Variants in SPOCK3 observed in about 807,000 individuals in gnomAD.
SPOCK3 encodes the protein testican-3.
In SPOCK3, 30 loss-of-function variants were observed where a neutral mutation model predicts 56.6. The ratio of observed to expected loss-of-function variants is 0.53; its 90% CI spans 0.40 to 0.72. The LOEUF is 0.72. Ranked by LOEUF, SPOCK3 falls within the 30% of genes least tolerant of loss-of-function variation. The pLI is 0.00. For missense variants in SPOCK3, 527 were observed against 530.0 expected (o/e 0.99, Z 0.06); for synonymous variants, 196 against 183.3 (o/e 1.07, Z -0.56).
At chr4:166,852,480 G>A (rs554577758) in intron 6 of SPOCK3, among the ~76,000 whole-genome samples, 2 of 151,924 alleles carry the variant, frequency 1.3e-5, no homozygotes, top group African/African-American at 4.8e-5. Context: ...AAACAGAAAC[G>A]AACCCTTTGG....
Position 166,846,660 on chromosome 4 carries a change from T to C in SPOCK3, c.589+42470A>G, listed in dbSNP as rs74539360. 2.6e-5 allele frequency among the ~76,000 whole-genome samples: 4 copies of C among 152,222 alleles called. No individual in the cohort carries two copies. In the Middle Eastern group the frequency reaches 0.014, roughly 518 times the overall value. On this transcript the variant is annotated intron_variant, in intron 6 of 10. Transcript: ENST00000357545. ...CTTTAATTCACATACCTGAAATTGG[T>C]ATACTGTAATACCCTAAGTAAATAA...
intron 2 of SPOCK3, among the ~76,000 whole-genome samples, chr4:167,103,435 C>T (rs1759829253): frequency 6.6e-6 from 1 of 152,116 alleles, no homozygotes; most frequent in Non-Finnish European, 1.5e-5. Flanking sequence ...AGCCTTTTAG[C>T]CTATGGGAGC....
At chr4:167,130,904 A>G (rs1762652098) in intron 2 of SPOCK3, among the ~76,000 whole-genome samples, 2 of 152,138 alleles carry the variant, frequency 1.3e-5, no homozygotes. Context: ...TTAATTCCAG[A>G]GGGAAATATT....
chr4:166,966,403 G>A (rs559959147), intron 4 of SPOCK3, among the ~76,000 whole-genome samples: 1 of 152,086 alleles, frequency 6.6e-6, no homozygotes, highest in South Asian at 2.1e-4. Context: ...GGCCAGTTCT[G>A]TCTTCAGCTC....
intron 2 of SPOCK3, among the ~76,000 whole-genome samples, chr4:167,205,549 TA>T (rs1561322794): frequency 6.0e-4 from 36 of 59,506 alleles, no homozygotes; most frequent in Admixed American, 2.5e-3. Flanking sequence ...ATATATTATA[TA>T]ATATATAATA....
chr4:166,785,647 T>TTTG (rs1560854857), intron 7 of SPOCK3, among the ~76,000 whole-genome samples: 2 of 151,898 alleles, frequency 1.3e-5, no homozygotes. Context: ...AAAATCCCCC[T>TTTG]TTCTTTGTAG....
Position 167,130,674 on chromosome 4 carries a change from A to T in SPOCK3, c.190-68137T>A, listed in dbSNP as rs17521579. 2.0e-3 allele frequency among the ~76,000 whole-genome samples: 306 copies of T among 152,324 alleles called. 2 individuals carry two copies. The highest frequency in any genetic ancestry group is 3.5e-3 in the Non-Finnish European group (237 of 68,012). ...AAAAAATGGCAGTTAAAAAAAACCC[A>T]GTCCAAGTAAGACAGTTAGACATTT... On this transcript the variant is annotated intron_variant, in intron 2 of 10. Transcript: ENST00000357545.
At chr4:166,836,529 C>T (rs1466813891) in intron 6 of SPOCK3, among the ~76,000 whole-genome samples, 1 of 152,070 alleles carries the variant, frequency 6.6e-6, no homozygotes, top group Non-Finnish European at 1.5e-5. Context: ...CATATTTTTT[C>T]TTATGTGACT....
At chr4:167,069,169 A>T (rs1756431287) in intron 2 of SPOCK3, among the ~76,000 whole-genome samples, 1 of 151,878 alleles carries the variant, frequency 6.6e-6, no homozygotes, top group Admixed American at 6.6e-5. Flanking sequence ...TGAATAGCAT[A>T]TGGTTTTATG....
At position 166,860,802 on chromosome 4, in the gene SPOCK3, C is replaced by CATATATATATATATATAT; in HGVS notation, c.589+28327_589+28328insATATATATATATATATAT. Reference sequence around the variant, plus strand: ...ACACGTGTACATGCACACACAAATTCATATATATATATATGTATATATATA... The same window carrying CATATATATATATATATAT: ...ACACGTGTACATGCACACACAAATTCATATATATATATATATATATATATATATATATGTATATATATA... On this transcript the variant is annotated intron_variant, in intron 6 of 10. Coordinates refer to ENST00000357545, the MANE Select transcript of SPOCK3 (RefSeq NM_001040159.2). Among the ~76,000 whole-genome samples the CATATATATATATATATAT allele has an allele frequency of 8.8e-3, 893 of 101,834 alleles. 37 individuals are homozygous for CATATATATATATATATAT. Among genetic ancestry groups the CATATATATATATATATAT allele is most frequent in the Middle Eastern group, 0.023 (5 of 216 alleles). The allele number at this position is 101,834 out of a possible 152,430, so 66.8% of individuals were successfully genotyped here. A position where few individuals can be genotyped will look rare whatever the true frequency, so the allele number is the denominator to read the frequency against.
intron 2 of SPOCK3, among the ~76,000 whole-genome samples, chr4:167,159,112 T>C (rs990347090): frequency 1.3e-5 from 2 of 152,026 alleles, no homozygotes; most frequent in African/African-American, 4.8e-5. Flanking sequence ...GTGTGAATCC[T>C]TTATAATCTG....
chr4:167,095,676 T>A (rs1035856943), intron 2 of SPOCK3, among the ~76,000 whole-genome samples: 1 of 151,920 alleles, frequency 6.6e-6, no homozygotes. Flanking sequence ...TGAAGGACTC[T>A]GTACTCACAA....
intron 3 of SPOCK3, among the ~76,000 whole-genome samples, chr4:167,033,967 A>G (rs956550436): frequency 1.3e-5 from 2 of 152,120 alleles, no homozygotes; most frequent in Non-Finnish European, 2.9e-5. Context: ...AATGTATTAT[A>G]TACTACTGGA....
At chr4:166,948,487 G>T (rs1263508895) in intron 4 of SPOCK3, among the ~76,000 whole-genome samples, 2 of 152,046 alleles carry the variant, frequency 1.3e-5, no homozygotes, top group Non-Finnish European at 2.9e-5. Flanking sequence ...CCAACAGTGT[G>T]TTAGAGATCC....
Position 166,789,456 on chromosome 4 carries a change from A to G in SPOCK3, c.709+2714T>C, listed in dbSNP as rs76339045. 2.2e-3 allele frequency among the ~76,000 whole-genome samples: 335 copies of G among 152,032 alleles called. 9 individuals carry two copies. In the East Asian group the frequency reaches 0.049, roughly 22 times the overall value. ...AAAAAAGAAAAAAACCAAAACCAAA[A>G]CCAAAAACAAAAACACCCCAACATT... On this transcript the variant is annotated intron_variant, in intron 7 of 10. Transcript: ENST00000357545.
intron 4 of SPOCK3, among the ~76,000 whole-genome samples, chr4:166,968,155 T>A (rs181716511): frequency 3.9e-4 from 60 of 152,278 alleles, no homozygotes; most frequent in South Asian, 4.1e-4. Context: ...CTCATTCACA[T>A]AAACAAAGAA....
intron 5 of SPOCK3, among the ~76,000 whole-genome samples, chr4:166,905,916 T>C (rs559970882): frequency 7.2e-5 from 11 of 152,174 alleles, no homozygotes; most frequent in African/African-American, 2.4e-4. Context: ...AAGGGCATTA[T>C]GAAATTCTAT....
intron 2 of SPOCK3, among the ~76,000 whole-genome samples, chr4:167,205,868 C>G (rs1390922217): frequency 1.3e-5 from 2 of 151,254 alleles, no homozygotes; most frequent in African/African-American, 2.4e-5. Flanking sequence ...CTCAGCCTTC[C>G]AAAGTGCTGG....
chr4:166,854,939 T>C (rs186717871), intron 6 of SPOCK3, among the ~76,000 whole-genome samples: 133 of 152,322 alleles, frequency 8.7e-4, no homozygotes, highest in Admixed American at 2.0e-3. Flanking sequence ...CCGTAATGCA[T>C]TGACATGCTG....
Sources: gnomAD v4.1 joint callset for allele counts (sites outside exome capture counted in the v4.1 genomes callset) on GRCh38, gnomAD v4.1.1 for gene constraint, MANE v1.5 for transcripts, NCBI Gene and HGNC (gene_info 2026-07-23, HGNC 2026-07-21) for gene names.